Variants in UNC13B observed in about 807,000 individuals in gnomAD.
UNC13B encodes the protein protein unc-13 homolog B.
UNC13B carries 144 observed loss-of-function variants against 211.0 expected under a neutral mutation model. The ratio of observed to expected loss-of-function variants is 0.68; its 90% confidence interval spans 0.60 to 0.78. The LOEUF is 0.78. Ranked by LOEUF, UNC13B falls within the 30% of genes least tolerant of loss-of-function variation. The pLI, the probability that UNC13B is intolerant of heterozygous loss-of-function variation, is 0.00. For synonymous variants in UNC13B, 709 were observed against 725.8 expected, an observed-to-expected ratio of 0.98 and a Z score of 0.37; for missense variants, 1,777 against 2,002.0, an observed-to-expected ratio of 0.89 and a Z score of 2.14.
chr9:35,221,566 G>A (rs560925882), intron 1 of UNC13B, among the ~76,000 whole-genome samples: 1 of 152,214 alleles, frequency 6.6e-6, no homozygotes, highest in South Asian at 2.1e-4. Context: ...TTTCTTTGCT[G>A]TGCTGAAGAT....
At chr9:35,243,897 T>A (rs565907168) in intron 6 of UNC13B, among the ~76,000 whole-genome samples, 1 of 152,238 alleles carries the variant, frequency 6.6e-6, no homozygotes, top group South Asian at 2.1e-4. Context: ...ATTTTGGACA[T>A]GTGGGCTACT....
intron 5 of UNC13B, 25 bp downstream of exon 5, chr9:35,237,851 A>C: frequency 6.3e-7 from 1 of 1,585,740 alleles, no homozygotes. Context: ...AAAACTATTT[A>C]ATAATTTTTA....
At chr9:35,387,281 C>A (rs1417619382) in intron 24 of UNC13B, among the ~76,000 whole-genome samples, 2 of 152,160 alleles carry the variant, frequency 1.3e-5, no homozygotes, top group Non-Finnish European at 2.9e-5. Context: ...CCAATGATGG[C>A]AGGACAACCT....
intron 11 of UNC13B, among the ~76,000 whole-genome samples, chr9:35,325,228 C>T (rs1404123131): frequency 6.6e-6 from 1 of 152,138 alleles, no homozygotes; most frequent in African/African-American, 2.4e-5. Context: ...GAAGCTTGTC[C>T]TTTTGCATTC....
intron 9 of UNC13B, among the ~76,000 whole-genome samples, chr9:35,308,661 C>T (rs1830039693): frequency 6.6e-6 from 1 of 152,156 alleles, no homozygotes. Flanking sequence ...AAAGCAAAAG[C>T]TGGGCCCCCG....
At position 35,162,009 on chromosome 9, in the gene UNC13B, A is replaced by G. The variant is rs536715741; in HGVS notation, c.-275A>G. The G allele has an allele frequency of 2.7e-3, 1,423 of 518,552 alleles. 9 individuals carry two copies. Among genetic ancestry groups the G allele is most frequent in the Non-Finnish European group, 3.8e-3 (1,123 of 295,432 alleles). The allele number at this position is 518,552 out of a possible 1,614,324, so 32.1% of individuals were successfully genotyped here. ...GATCCCGGGTGGAATGACGGGAGGG[A>G]GTCCCGGCAGCTCCTACCTCCCAGC... On this transcript the variant is annotated 5_prime_UTR_variant, in exon 1 of 40. Coordinates refer to ENST00000635942, the MANE Select transcript of UNC13B (RefSeq NM_001371189.2).
At chr9:35,326,380 T>C (rs889633100) in intron 11 of UNC13B, among the ~76,000 whole-genome samples, 4 of 152,326 alleles carry the variant, frequency 2.6e-5, no homozygotes, top group Admixed American at 1.3e-4. Context: ...TTTTTTCCTA[T>C]ACATACATAT....
intron 2 of UNC13B, among the ~76,000 whole-genome samples, chr9:35,228,948 G>A (rs1349977823): frequency 1.3e-5 from 2 of 151,956 alleles, no homozygotes; most frequent in African/African-American, 4.8e-5. Context: ...AGATTCAGAA[G>A]TAGAATTGCT....
chr9:35,276,148 A>G lies in UNC13B; in HGVS notation c.526+17098A>G, dbSNP rs547819934. Among the ~76,000 whole-genome samples the G allele has an allele frequency of 1.5e-3, 228 of 152,168 alleles. 1 individual carries two copies. The highest frequency in any genetic ancestry group is 1.1e-3 in the Non-Finnish European group (77 of 67,998). On this transcript the variant is annotated intron_variant, in intron 7 of 39. Coordinates refer to ENST00000635942, the MANE Select transcript of UNC13B (RefSeq NM_001371189.2). The stretch of plus-strand genomic sequence containing the variant: ...TGATGAAACCCGATCTCTACAAAAA[A>G]TACAAAAATTAGCCTGGTGTGGTGG...
intron 7 of UNC13B, among the ~76,000 whole-genome samples, chr9:35,294,286 A>C (rs1829241138): frequency 6.6e-6 from 1 of 151,138 alleles, no homozygotes; most frequent in South Asian, 2.1e-4. Flanking sequence ...GGAGGTTTCC[A>C]CTGCCCACAT....
At chr9:35,352,107 G>C in intron 11 of UNC13B, 1 of 1,232,222 alleles carries the variant, frequency 8.1e-7, no homozygotes, top group Non-Finnish European at 1.0e-6. Flanking sequence ...TTACAGGTGA[G>C]CACCTGTTCC....
chr9:35,299,729 A>G (rs1335597362), intron 8 of UNC13B, among the ~76,000 whole-genome samples: 1 of 152,146 alleles, frequency 6.6e-6, no homozygotes, highest in East Asian at 1.9e-4. Flanking sequence ...AATGCTTTTT[A>G]TCACATTGGC....
intron 32 of UNC13B, 63 bp downstream of exon 32, chr9:35,398,705 C>A (rs1322465638): frequency 1.3e-6 from 2 of 1,588,172 alleles, no homozygotes; most frequent in Non-Finnish European, 1.7e-6. Flanking sequence ...ATCCCAGAGC[C>A]CTTGCCCCAC....
intron 11 of UNC13B, among the ~76,000 whole-genome samples, chr9:35,343,340 CG>C (rs1275265903): frequency 1.3e-5 from 2 of 152,158 alleles, no homozygotes; most frequent in Non-Finnish European, 2.9e-5. Flanking sequence ...GATAGGATAG[CG>C]TACTCTTGGT....
At position 35,301,380 on chromosome 9, in the gene UNC13B, A is replaced by C. The variant is rs1021144160; in HGVS notation, c.1976A>C (p.Asn659Thr). ...SVIKSVFSRL[N>T]PLKIFSEKEE... ...ATAAAGTCGGTTTTCAGCAGGTTAA[A>C]TCCATTGAAGATCTTTTCAGAAAAG... The change falls in exon 9 of 40, where the codon AAT becomes ACT. Residue 659 changes from asparagine (N) to threonine (T), a missense_variant. By Grantham distance (65) the Asn-to-Thr change is moderately conservative. Coordinates refer to ENST00000635942, the MANE Select transcript of UNC13B (RefSeq NM_001371189.2). 10 of 398,616 alleles carry C rather than the reference A, an allele frequency of 2.5e-5. No homozygotes were observed. The highest frequency in any genetic ancestry group is 4.4e-5 in the Non-Finnish European group (10 of 225,942). 24.7% of individuals were successfully genotyped at this position (398,616 alleles called of 1,614,324 possible). A position where few individuals can be genotyped will look rare whatever the true frequency, so the allele number is the denominator to read the frequency against.
At chr9:35,393,487 A>T (rs1392326035) in intron 26 of UNC13B, among the ~76,000 whole-genome samples, 1 of 151,850 alleles carries the variant, frequency 6.6e-6, no homozygotes, top group African/African-American at 2.4e-5. Context: ...AGGGGAAGAG[A>T]TAAGTAAGAC....
chr9:35,379,924 A>G (rs576887684), intron 17 of UNC13B, among the ~76,000 whole-genome samples: 122 of 152,326 alleles, frequency 8.0e-4, no homozygotes, highest in Middle Eastern at 3.4e-3. Context: ...CCTTTCTCCA[A>G]AGCAAACCCG....
chr9:35,310,032 A>G (rs371151438), intron 9 of UNC13B, among the ~76,000 whole-genome samples: 1 of 152,242 alleles, frequency 6.6e-6, no homozygotes, highest in African/African-American at 2.4e-5. Flanking sequence ...CCTCAATGTA[A>G]TAAGTAATAG....
Position 35,310,596 on chromosome 9 carries a change from C to T in UNC13B, c.9138C>T (p.His3046=), listed in dbSNP as rs1830136779. 8.1e-6 allele frequency: 13 copies of T among 1,614,024 alleles called. No individual in the cohort carries two copies. The highest frequency in any genetic ancestry group is 1.1e-5 in the Non-Finnish European group (13 of 1,180,008). The stretch of plus-strand genomic sequence containing the variant: ...AGACGGACTCGATTCATTCTTGCCA[C>T]AGCTCTCACAGCCTGTCCAGAGATG... ...HRETDSIHSC[H]SSHSLSRDGQ... Residue 3046 remains histidine, a synonymous_variant, in exon 10 of 40, where the codon CAC becomes CAT. Transcript: ENST00000635942.
Sources: gnomAD v4.1 joint callset for allele counts (sites outside exome capture counted in the v4.1 genomes callset) on GRCh38, gnomAD v4.1.1 for gene constraint, MANE v1.5 for transcripts, NCBI Gene and HGNC (gene_info 2026-07-23, HGNC 2026-07-21) for gene names.